SLC24A3: variants seen among roughly 807,000 people sequenced by gnomAD.
SLC24A3 encodes solute carrier family 24 member 3, also known as sodium/potassium/calcium exchanger 3.
In SLC24A3, 28 loss-of-function variants were observed where a neutral mutation model predicts 75.8. The ratio of observed to expected loss-of-function variants is 0.37; its 90% CI spans 0.27 to 0.51. The LOEUF is 0.51. SLC24A3 is among the 20% of genes least tolerant of loss of function. The probability of loss-of-function intolerance (pLI) is 0.94; values close to 1 mark genes in which losing one functional copy is unlikely to be tolerated. For synonymous variants in SLC24A3, 372 were observed against 334.1 expected (o/e 1.11, Z -1.24); for missense variants, 663 against 847.8 (o/e 0.78, Z 2.71).
At chr20:19,532,430 G>A (rs1209560252) in intron 3 of SLC24A3, among the ~76,000 whole-genome samples, 1 of 152,202 alleles carries the variant, frequency 6.6e-6, no homozygotes, top group East Asian at 1.9e-4. Flanking sequence ...TGTGGTTCAT[G>A]GAGTCACCAC....
chr20:19,296,215 A>AT (rs200763507), intron 2 of SLC24A3, among the ~76,000 whole-genome samples: 1 of 115,856 alleles, frequency 8.6e-6, no homozygotes, highest in South Asian at 2.7e-4. Flanking sequence ...CCCCATTATC[A>AT]TTTTTTATTG....
At chr20:19,353,992 A>T (rs1985627803) in intron 2 of SLC24A3, among the ~76,000 whole-genome samples, 1 of 152,232 alleles carries the variant, frequency 6.6e-6, no homozygotes, top group African/African-American at 2.4e-5. Flanking sequence ...GTTACCAAAA[A>T]GATGTTCACA....
intron 7 of SLC24A3, among the ~76,000 whole-genome samples, chr20:19,660,700 T>G (rs2032317397): frequency 6.6e-6 from 1 of 152,084 alleles, no homozygotes; most frequent in African/African-American, 2.4e-5. Context: ...TTCAGTTCTT[T>G]AAGACATTCT....
chr20:19,229,532 T>C (rs1981957793), intron 1 of SLC24A3, among the ~76,000 whole-genome samples: 1 of 152,160 alleles, frequency 6.6e-6, no homozygotes, highest in Admixed American at 6.5e-5. Flanking sequence ...TTTCAAATAG[T>C]CTTGTAATTA....
intron 3 of SLC24A3, among the ~76,000 whole-genome samples, chr20:19,571,460 G>A (rs933081473): frequency 1.8e-4 from 27 of 152,120 alleles, no homozygotes; most frequent in African/African-American, 6.5e-4. Context: ...AAGAGGGAGA[G>A]AGAGGAGAAA....
intron 2 of SLC24A3, among the ~76,000 whole-genome samples, chr20:19,347,078 C>G (rs953148804): frequency 6.6e-6 from 1 of 152,068 alleles, no homozygotes. Context: ...CATTTAGGAA[C>G]TTTTAATGCA....
chr20:19,359,637 C>G (rs1985751190), intron 2 of SLC24A3, among the ~76,000 whole-genome samples: 1 of 152,240 alleles, frequency 6.6e-6, no homozygotes. Flanking sequence ...TCCCCAGCCC[C>G]AGGTGCCTCA....
chr20:19,390,166 T>A (rs1174100301), intron 2 of SLC24A3, among the ~76,000 whole-genome samples: 1 of 152,258 alleles, frequency 6.6e-6, no homozygotes, highest in East Asian at 1.9e-4. Context: ...TCACTGAGTT[T>A]CTTTAAGATT....
At chr20:19,689,160 A>T (rs923382427) in intron 12 of SLC24A3, among the ~76,000 whole-genome samples, 2 of 152,208 alleles carry the variant, frequency 1.3e-5, no homozygotes, top group Admixed American at 1.3e-4. Flanking sequence ...CCAAAATATA[A>T]GTAGGTTTTT....
chr20:19,553,293 G>A (rs1332768299), intron 3 of SLC24A3, among the ~76,000 whole-genome samples: 1 of 152,110 alleles, frequency 6.6e-6, no homozygotes. Context: ...GCACTTCTGT[G>A]TGTGTGATCA....
At chr20:19,695,434 A>C (rs777691250) in intron 13 of SLC24A3, 4 of 151,604 alleles carry the variant, frequency 2.6e-5, no homozygotes, top group Non-Finnish European at 4.4e-5. Flanking sequence ...TTTTCCACTT[A>C]CCTCTTTTTT....
At chr20:19,298,546 C>T (rs964582832) in intron 2 of SLC24A3, among the ~76,000 whole-genome samples, 35 of 151,562 alleles carry the variant, frequency 2.3e-4, no homozygotes, top group African/African-American at 8.3e-4. Context: ...AGGAGTTGAT[C>T]CCAGGAAACA....
chr20:19,442,818 C>T (rs1283097203), intron 2 of SLC24A3, among the ~76,000 whole-genome samples: 3 of 152,104 alleles, frequency 2.0e-5, no homozygotes, highest in Non-Finnish European at 4.4e-5. Flanking sequence ...AGAGGTTTTA[C>T]AGTTTTGCAT....
At chr20:19,418,479 A>G (rs542965510) in intron 2 of SLC24A3, among the ~76,000 whole-genome samples, 3 of 152,144 alleles carry the variant, frequency 2.0e-5, no homozygotes, top group Admixed American at 1.3e-4. Flanking sequence ...TAAGAAAATT[A>G]GAGGACTGGT....
rs538555600 is a variant in SLC24A3 at position 19,671,601 on chromosome 20, G to A, written c.714-2000G>A. On this transcript the variant is annotated intron_variant, in intron 8 of 16. Coordinates refer to ENST00000328041, the MANE Select transcript of SLC24A3 (RefSeq NM_020689.4). ...TTCTGGGCTTGACTGGGCAGGGAGT[G>A]GTACAGTTGACTGAAAGGACAAAGC... is the stretch of plus-strand genomic sequence containing the variant. Among the ~76,000 whole-genome samples, 5 of 152,110 alleles carry A rather than the reference G, an allele frequency of 3.3e-5. No individual in the cohort carries two copies. The South Asian group carries it at 1.0e-3, about 32-fold the overall frequency.
chr20:19,546,015 C>G (rs181569700), intron 3 of SLC24A3, among the ~76,000 whole-genome samples: 65 of 151,748 alleles, frequency 4.3e-4, no homozygotes, highest in Admixed American at 1.2e-3. Context: ...AAAAATTAGC[C>G]GGGCATGGTG....
intron 12 of SLC24A3, among the ~76,000 whole-genome samples, chr20:19,685,632 G>A (rs1431065380): frequency 6.6e-6 from 1 of 152,108 alleles, no homozygotes; most frequent in Non-Finnish European, 1.5e-5. Context: ...TTTGTTCTAG[G>A]TCCTGCTCAT....
intron 2 of SLC24A3, among the ~76,000 whole-genome samples, chr20:19,453,080 C>T (rs578127893): frequency 4.6e-4 from 70 of 152,196 alleles, no homozygotes; most frequent in African/African-American, 1.7e-3. Context: ...ACTCAGGAGA[C>T]TGAGGCAAAG....
intron 2 of SLC24A3, among the ~76,000 whole-genome samples, chr20:19,462,784 T>A (rs1987699911): frequency 6.6e-6 from 1 of 152,162 alleles, no homozygotes; most frequent in Admixed American, 6.5e-5. Flanking sequence ...CAGATGGAAA[T>A]GCATTAGCCT....
Sources: allele counts gnomAD v4.1 joint callset (sites outside exome capture counted in the v4.1 genomes callset), GRCh38; gene constraint gnomAD v4.1.1; transcripts MANE v1.5; gene names NCBI Gene and HGNC (gene_info 2026-07-23, HGNC 2026-07-21).